Variants in TMEM164 observed in about 807,000 individuals in gnomAD.
TMEM164 encodes RP13-360B22.2.
In TMEM164, 4 loss-of-function variants were observed where a neutral mutation model predicts 18.8. The observed-to-expected ratio is 0.21, with a 90% CI of 0.10 to 0.49. The LOEUF (loss-of-function observed/expected upper bound fraction) is 0.49. Ranked by LOEUF, TMEM164 falls within the 20% of genes least tolerant of loss-of-function variation. TMEM164 has a pLI of 0.98. For missense variants in TMEM164, 108 were observed against 239.9 expected, an observed-to-expected ratio of 0.45 and a Z score of 3.63; for synonymous variants, 86 against 101.7, an observed-to-expected ratio of 0.85 and a Z score of 0.93.
intron 2 of TMEM164, chrX:110,055,329 A>G (rs765791576): frequency 3.7e-5 from 14 of 381,816 alleles, no homozygotes; most frequent in African/African-American, 7.7e-5. Flanking sequence ...CAGGGCCGCC[A>G]CGAATGGCTA....
intron 2 of TMEM164, among the ~76,000 whole-genome samples, chrX:110,019,464 A>G (rs1252256658): frequency 6.3e-5 from 7 of 110,700 alleles, no homozygotes; most frequent in Non-Finnish European, 1.3e-4. Context: ...TCTCTCCTCT[A>G]TCCTTTACAC....
chrX:110,118,413 A>T (rs1383029405), intron 4 of TMEM164, among the ~76,000 whole-genome samples: 1 of 108,697 alleles, frequency 9.2e-6, no homozygotes, highest in African/African-American at 3.6e-5. Context: ...ACCTACTTCA[A>T]ACCCCTCATG....
intron 5 of TMEM164, among the ~76,000 whole-genome samples, chrX:110,151,302 T>G (rs2066935141): frequency 8.9e-6 from 1 of 111,803 alleles, no homozygotes; most frequent in Admixed American, 9.5e-5. Flanking sequence ...TGTTGGATAT[T>G]TCCAAATCCA....
In TMEM164 at chrX:110,134,559, C is replaced by CAA. The variant is rs34533045; in HGVS notation, c.508-10214_508-10213dup. On this transcript the variant is annotated intron_variant, in intron 4 of 6. Transcript: ENST00000372068. ...TGAACAACAGAGCGAGACTCTGTCT[C>CAA]AAAAAAAAAAAAAAAAAAAAAAAAA... Among the ~76,000 whole-genome samples, 19 of 29,759 alleles carry CAA rather than the reference C, an allele frequency of 6.4e-4. 1 individual carries two copies. The highest frequency in any genetic ancestry group is 2.0e-3 in the African/African-American group (13 of 6,588). The allele number at this position is 29,759 out of a possible 115,157, so 25.8% of individuals were successfully genotyped here.
intron 3 of TMEM164, among the ~76,000 whole-genome samples, chrX:110,100,096 C>T: frequency 9.0e-6 from 1 of 111,563 alleles, no homozygotes; most frequent in South Asian, 3.7e-4. Flanking sequence ...TTGTAGATTC[C>T]TTGGGATTTT....
intron 2 of TMEM164, among the ~76,000 whole-genome samples, chrX:110,015,009 A>C (rs929856112): frequency 2.7e-5 from 3 of 110,924 alleles, no homozygotes; most frequent in East Asian, 2.8e-4. Flanking sequence ...ACAGAAAAAA[A>C]CCAATTATTC....
At chrX:110,003,304 G>A in intron 1 of TMEM164, 126 bp downstream of exon 1, 1 of 118,036 alleles carries the variant, frequency 8.5e-6, no homozygotes, top group Non-Finnish European at 1.8e-5. Context: ...CTCCCGGTTC[G>A]CTGCCGCAGC....
intron 2 of TMEM164, among the ~76,000 whole-genome samples, chrX:110,025,043 G>A (rs1340180158): frequency 2.7e-5 from 3 of 109,364 alleles, no homozygotes; most frequent in Non-Finnish European, 5.7e-5. Flanking sequence ...CTTGAACCCA[G>A]TGGCCTTTAT....
intron 4 of TMEM164, among the ~76,000 whole-genome samples, chrX:110,116,861 C>CGTGT (rs751272706): frequency 3.4e-5 from 3 of 88,818 alleles, no homozygotes; most frequent in Admixed American, 2.5e-4. Context: ...TGCGCGTGTG[C>CGTGT]GTGTGTGTGT....
At chrX:110,110,385 A>C (rs1478252241) in intron 4 of TMEM164, among the ~76,000 whole-genome samples, 3 of 112,343 alleles carry the variant, frequency 2.7e-5, no homozygotes, top group Admixed American at 1.9e-4. Flanking sequence ...CAATGCAAAC[A>C]TACATCAAAA....
At chrX:110,144,318 G>C (rs1437017083) in intron 4 of TMEM164, among the ~76,000 whole-genome samples, 1 of 111,696 alleles carries the variant, frequency 9.0e-6, no homozygotes, top group Non-Finnish European at 1.9e-5. Context: ...ATAGTCTACC[G>C]TCTAGTCTCC....
chrX:110,117,761 C>T (rs1018693418), intron 4 of TMEM164, among the ~76,000 whole-genome samples: 5 of 112,076 alleles, frequency 4.5e-5, no homozygotes, highest in Non-Finnish European at 9.4e-5. Context: ...GCTTTTAGTC[C>T]TGTTGCCTCA....
chrX:110,092,919 A>C (rs938435266), intron 3 of TMEM164, among the ~76,000 whole-genome samples: 8 of 112,081 alleles, frequency 7.1e-5, no homozygotes, highest in African/African-American at 2.6e-4. Flanking sequence ...TTTAGCATGA[A>C]GGGCTGTTGA....
chrX:110,115,150 G>GA (rs1349241218), intron 4 of TMEM164, among the ~76,000 whole-genome samples: 10 of 111,937 alleles, frequency 8.9e-5, no homozygotes, highest in African/African-American at 2.9e-4. Flanking sequence ...TGTGCTGCTG[G>GA]AAAAACCTTG....
chrX:110,077,280 G>A (rs1245164015), intron 3 of TMEM164, among the ~76,000 whole-genome samples: 1 of 111,422 alleles, frequency 9.0e-6, no homozygotes, highest in East Asian at 2.8e-4. Context: ...ATCGACCCCT[G>A]TTCTTTTTTG....
At chrX:110,027,759 C>CA (rs1934272589) in intron 2 of TMEM164, among the ~76,000 whole-genome samples, 1 of 107,826 alleles carries the variant, frequency 9.3e-6, no homozygotes, top group Non-Finnish European at 1.9e-5. Context: ...GACTCCGTCT[C>CA]AAAAAAAATA....
chrX:110,095,261 T>C lies in TMEM164; in HGVS notation c.441-13819T>C, dbSNP rs183603656. The stretch of plus-strand genomic sequence containing the variant: ...GTTGGGGAAGTTCTCCTGGATAATA[T>C]GCTGCAGAGTGTTTTCCAACTTGGC... On this transcript the variant is annotated intron_variant, in intron 3 of 6. Transcript: ENST00000372068. 4.9e-3 allele frequency among the ~76,000 whole-genome samples: 549 copies of C among 112,246 alleles called. 2 individuals carry two copies. The highest frequency in any genetic ancestry group is 6.4e-3 in the Non-Finnish European group (343 of 53,257).
At chrX:110,036,068 A>G (rs1227156966) in intron 2 of TMEM164, among the ~76,000 whole-genome samples, 6 of 111,867 alleles carry the variant, frequency 5.4e-5, no homozygotes, top group African/African-American at 2.0e-4. Context: ...TTTTAAAAAA[A>G]TGGCATCTAA....
intron 2 of TMEM164, among the ~76,000 whole-genome samples, chrX:110,037,610 C>T (rs1482705954): frequency 2.7e-5 from 3 of 111,826 alleles, no homozygotes; most frequent in Non-Finnish European, 5.6e-5. Flanking sequence ...GGCCAGTCAC[C>T]TCTGCTTAGC....
Sources: gnomAD v4.1 joint callset for allele counts (sites outside exome capture counted in the v4.1 genomes callset) on GRCh38, gnomAD v4.1.1 for gene constraint, MANE v1.5 for transcripts, NCBI Gene and HGNC (gene_info 2026-07-23, HGNC 2026-07-21) for gene names.